NPAS3: variants seen among roughly 807,000 people sequenced by gnomAD.
The protein encoded by NPAS3 is neuronal PAS domain-containing protein 3.
NPAS3 carries 14 observed loss-of-function variants against 73.1 expected under a neutral mutation model. The observed-to-expected ratio is 0.19, with a 90% CI of 0.13 to 0.30. The LOEUF (loss-of-function observed/expected upper bound fraction) is 0.30, where lower values mean the gene tolerates loss of function less well. NPAS3 is among the 10% of genes least tolerant of loss of function. The probability of loss-of-function intolerance (pLI) is 1.00; values close to 1 mark genes in which losing one functional copy is unlikely to be tolerated. For missense variants in NPAS3, 1,096 were observed against 1,250.0 expected, an observed-to-expected ratio of 0.88 and a Z score of 1.86; for synonymous variants, 620 against 541.5, an observed-to-expected ratio of 1.14 and a Z score of -2.01.
intron 1 of NPAS3, among the ~76,000 whole-genome samples, chr14:33,014,021 C>G (rs114858846): frequency 1.3e-5 from 2 of 151,956 alleles, no homozygotes; most frequent in Non-Finnish European, 2.9e-5. Flanking sequence ...AAGTGAACAA[C>G]AAAAATAATT....
rs146565515 is a variant in NPAS3, at chr14:32,969,101, G to C, written c.50+29735G>C. On this transcript the variant is annotated intron_variant, in intron 1 of 11. Transcript: ENST00000356141. Reference sequence around the variant, plus strand: ...TGCTTTCTAAAATGGCTCAACACATGTGGTTGTGGACAGGCCTTAGTTCCT... The same window carrying C: ...TGCTTTCTAAAATGGCTCAACACATCTGGTTGTGGACAGGCCTTAGTTCCT... Among the ~76,000 whole-genome samples the C allele has an allele frequency of 9.9e-4, 151 of 152,290 alleles. 1 individual carries two copies. The highest frequency in any genetic ancestry group is 1.7e-3 in the Non-Finnish European group (117 of 68,020).
chr14:32,939,293 G>T, upstream of NPAS3: 1 of 683,102 alleles, frequency 1.5e-6, no homozygotes, highest in Non-Finnish European at 2.6e-6. Context: ...CAAAAAGTAA[G>T]AGAGGAAAAA....
intron 3 of NPAS3, among the ~76,000 whole-genome samples, chr14:33,289,143 A>G (rs2041994192): frequency 6.6e-6 from 1 of 152,186 alleles, no homozygotes; most frequent in Admixed American, 6.5e-5. Context: ...CTTAATCCTT[A>G]TAATCCAAGA....
chr14:33,022,490 C>A (rs2138271397), intron 1 of NPAS3, among the ~76,000 whole-genome samples: 1 of 152,086 alleles, frequency 6.6e-6, no homozygotes, highest in East Asian at 1.9e-4. Flanking sequence ...CGGTGAAACT[C>A]CGTCTCTACT....
At chr14:33,255,251 T>C (rs1387596817) in intron 3 of NPAS3, among the ~76,000 whole-genome samples, 1 of 152,148 alleles carries the variant, frequency 6.6e-6, no homozygotes, top group Middle Eastern at 3.2e-3. Context: ...TTTAGATAAA[T>C]TAGTAATCAG....
chr14:33,553,639 G>A (rs973564443), intron 4 of NPAS3, among the ~76,000 whole-genome samples: 1 of 152,210 alleles, frequency 6.6e-6, no homozygotes, highest in African/African-American at 2.4e-5. Context: ...GAAAGGCAAA[G>A]GAAGGAACAG....
chr14:33,801,205 CAG>C (rs1473697943), downstream of NPAS3: 7 of 1,504,286 alleles, frequency 4.7e-6, no homozygotes, highest in Middle Eastern at 7.0e-4. Flanking sequence ...TGAATTCGAG[CAG>C]GTCAGCGTCT....
intron 5 of NPAS3, among the ~76,000 whole-genome samples, chr14:33,576,802 C>G (rs573956662): frequency 6.6e-6 from 1 of 152,268 alleles, no homozygotes; most frequent in East Asian, 1.9e-4. Flanking sequence ...CCTACCCAGT[C>G]CCGAGTATCT....
At chr14:33,167,341 C>T (rs772716958) in intron 2 of NPAS3, among the ~76,000 whole-genome samples, 4 of 152,008 alleles carry the variant, frequency 2.6e-5, no homozygotes, top group Non-Finnish European at 4.4e-5. Flanking sequence ...GGCAATTTCT[C>T]AAAGTATTCA....
chr14:33,151,287 C>T (rs1232412165), intron 2 of NPAS3, among the ~76,000 whole-genome samples: 1 of 152,152 alleles, frequency 6.6e-6, no homozygotes, highest in African/African-American at 2.4e-5. Context: ...GAAAGTAACC[C>T]AGGAGAACTA....
At chr14:32,992,695 A>G (rs2038383910) in intron 1 of NPAS3, among the ~76,000 whole-genome samples, 1 of 152,168 alleles carries the variant, frequency 6.6e-6, no homozygotes, top group Admixed American at 6.5e-5. Context: ...ACTAAATATT[A>G]CCCTTATTGA....
intron 3 of NPAS3, among the ~76,000 whole-genome samples, chr14:33,309,895 G>A (rs2042928381): frequency 6.6e-6 from 1 of 152,166 alleles, no homozygotes; most frequent in African/African-American, 2.4e-5. Flanking sequence ...CTCGTGAGAA[G>A]TCCTGGCCCT....
chr14:33,086,166 T>C (rs17100095), intron 2 of NPAS3, among the ~76,000 whole-genome samples: 5,680 of 152,260 alleles, frequency 0.037, 179 homozygotes, highest in African/African-American at 0.087. Flanking sequence ...CATTGGAAGC[T>C]TTATTTAGTT....
intron 2 of NPAS3, among the ~76,000 whole-genome samples, chr14:33,177,602 G>A (rs1323940083): frequency 2.0e-5 from 3 of 152,072 alleles, no homozygotes; most frequent in Admixed American, 2.0e-4. Context: ...CAAATCCAAG[G>A]TCCTAAAGAT....
intron 5 of NPAS3, among the ~76,000 whole-genome samples, chr14:33,591,248 C>T (rs1285552485): frequency 6.6e-6 from 1 of 152,086 alleles, no homozygotes; most frequent in African/African-American, 2.4e-5. Context: ...CCCTCACTGC[C>T]CACTCTTCTC....
intron 1 of NPAS3, among the ~76,000 whole-genome samples, chr14:32,976,955 G>C (rs1462758310): frequency 6.6e-6 from 1 of 152,014 alleles, no homozygotes; most frequent in African/African-American, 2.4e-5. Flanking sequence ...ATTTTCTAGA[G>C]AGTTTACTCA....
intron 3 of NPAS3, among the ~76,000 whole-genome samples, chr14:33,307,732 A>G (rs2042815823): frequency 6.6e-6 from 1 of 152,062 alleles, no homozygotes; most frequent in South Asian, 2.1e-4. Context: ...GCCCATATTC[A>G]TTTAATATTC....
intron 3 of NPAS3, among the ~76,000 whole-genome samples, chr14:33,285,062 G>A (rs1594597857): frequency 6.6e-6 from 1 of 152,152 alleles, no homozygotes; most frequent in Non-Finnish European, 1.5e-5. Flanking sequence ...TAATTAAGGG[G>A]CTTCTGGAGC....
intron 4 of NPAS3, among the ~76,000 whole-genome samples, chr14:33,391,029 A>G (rs992038254): frequency 1.3e-5 from 2 of 152,142 alleles, no homozygotes; most frequent in African/African-American, 2.4e-5. Flanking sequence ...AACTATTTGT[A>G]TTATGTATCC....
Sources: gnomAD v4.1 joint callset for allele counts (sites outside exome capture counted in the v4.1 genomes callset) on GRCh38, gnomAD v4.1.1 for gene constraint, MANE v1.5 for transcripts, NCBI Gene and HGNC (gene_info 2026-07-23, HGNC 2026-07-21) for gene names.